Variants in PHF19 observed in about 807,000 individuals in gnomAD.
The protein encoded by PHF19 is PHD finger protein 19, also known as polycomb like 3.
In PHF19, 21 loss-of-function variants were observed where a neutral mutation model predicts 79.8. That is an observed-to-expected ratio of 0.26 (90% CI 0.19 to 0.38). The LOEUF (loss-of-function observed/expected upper bound fraction) is 0.38. Ranked by LOEUF, PHF19 falls within the 10% of genes least tolerant of loss-of-function variation. The pLI, the probability that PHF19 is intolerant of heterozygous loss-of-function variation, is 1.00. For missense variants in PHF19, 445 were observed against 744.2 expected (o/e 0.60, Z 4.68); for synonymous variants, 273 against 296.3 (o/e 0.92, Z 0.81).
intron 1 of PHF19, among the ~76,000 whole-genome samples, chr9:120,886,789 A>G (rs1377810052): frequency 1.3e-5 from 2 of 152,194 alleles, no homozygotes; most frequent in Non-Finnish European, 2.9e-5. Context: ...TCCAACATCA[A>G]TCTAGGTGTC....
At chr9:120,861,032 GC>G (rs1470295855) in intron 13 of PHF19, 56 bp downstream of exon 13, 1 of 1,008,054 alleles carries the variant, frequency 9.9e-7, no homozygotes, top group African/African-American at 1.6e-5. Context: ...TTGGCTTTCT[GC>G]TTGGTTCCCT....
chr9:120,899,698 T>A (rs2046425054), upstream of PHF19, among the ~76,000 whole-genome samples: 1 of 152,174 alleles, frequency 6.6e-6, no homozygotes, highest in Admixed American at 6.5e-5. Context: ...GCTGTTTGTC[T>A]CACTGGGGCT....
At chr9:120,899,273 T>C (rs186653878), upstream of PHF19, among the ~76,000 whole-genome samples, 50 of 150,346 alleles carry the variant, frequency 3.3e-4, no homozygotes, top group African/African-American at 1.1e-3. Flanking sequence ...CTGAGGCAAG[T>C]GGATCATGAG....
upstream of PHF19, among the ~76,000 whole-genome samples, chr9:120,878,890 G>C (rs1930777): frequency 6.6e-6 from 1 of 152,176 alleles, no homozygotes; most frequent in Admixed American, 6.5e-5. Flanking sequence ...TGTGTCCAAC[G>C]CGGGTAGGGC....
chr9:120,864,464 C>T (rs548077587), intron 9 of PHF19, among the ~76,000 whole-genome samples: 1 of 152,068 alleles, frequency 6.6e-6, no homozygotes, highest in East Asian at 1.9e-4. Flanking sequence ...GGCATTGTTT[C>T]TAATGGTGGA....
chr9:120,887,195 C>G (rs1237446319), intron 1 of PHF19, among the ~76,000 whole-genome samples: 1 of 152,128 alleles, frequency 6.6e-6, no homozygotes, highest in East Asian at 1.9e-4. Context: ...TGGCTCACAT[C>G]TATAATCCCA....
rs117272032 is a variant in PHF19 at position 120,886,739 on chromosome 9, A to G, written c.42+8049T>C. On this transcript the variant is annotated intron_variant, in intron 1 of 14. Transcript: ENST00000616568. ...TGACCCCTCTGTGATGGTCAATTTT[A>G]TATGTCCACATGACTAAGCTATCAT... 4.9e-4 allele frequency among the ~76,000 whole-genome samples: 74 copies of G among 152,306 alleles called. No homozygotes were observed. The East Asian group carries it at 6.4e-3, about 13-fold the overall frequency.
At chr9:120,897,056 G>A (rs1378655449), upstream of PHF19, among the ~76,000 whole-genome samples, 2 of 152,254 alleles carry the variant, frequency 1.3e-5, no homozygotes, top group Non-Finnish European at 2.9e-5. Context: ...CTCCTAGCTT[G>A]TAGAGACCTC....
intron 6 of PHF19, chr9:120,868,870 A>G (rs1332891387): frequency 1.9e-6 from 2 of 1,045,900 alleles, no homozygotes; most frequent in South Asian, 7.9e-5. Flanking sequence ...GCCTCGCCCC[A>G]AGGTCTAACC....
chr9:120,868,637 G>T, intron 6 of PHF19: 1 of 209,416 alleles, frequency 4.8e-6, no homozygotes, highest in Non-Finnish European at 8.4e-6. Flanking sequence ...GCCACGCGGA[G>T]CCGGCCTTCT....
chr9:120,872,622 C>G (rs2045935871), intron 3 of PHF19, among the ~76,000 whole-genome samples: 1 of 152,036 alleles, frequency 6.6e-6, no homozygotes, highest in Admixed American at 6.6e-5. Flanking sequence ...GTTCTGCAGC[C>G]TCTTCTTGGC....
rs1163197045 is a variant in PHF19 at position 120,869,223 on chromosome 9, G to A, written c.573C>T (p.Thr191=). Residue 191 remains threonine (T), a synonymous_variant, in exon 6 of 15, where the codon ACC becomes ACT. Coordinates refer to ENST00000373896, the MANE Select transcript of PHF19 (RefSeq NM_015651.3). This position sits in a 1 kb window ranked among gnomAD's most constrained non-coding sequence, Gnocchi z 5.8. ...AGTAGCAGTAGCATTGCTGCTGGTTGGTGCGATGGGGCGAGTCCCACTCGA... is the reference window on the plus strand; with the variant it reads ...AGTAGCAGTAGCATTGCTGCTGGTTAGTGCGATGGGGCGAGTCCCACTCGA... ...EELEWDSPHR[T]NQQQCYCYCG... is the part of the protein sequence containing the mutation. The A allele has an allele frequency of 6.2e-7, 1 of 1,612,002 alleles. No homozygotes were observed. The highest frequency in any genetic ancestry group is 1.1e-5 in the South Asian group (1 of 90,606).
In PHF19 at chr9:120,862,612, C is replaced by A. The variant is rs150134029; in HGVS notation, c.1106G>T (p.Arg369Leu). ...PNENSASSEL[R>L]KRGKSKPGLL... ...CCCAGGCTTGCTCTTTCCTCTCTTA[C>A]GCAGCTCAGAGGAGGCGCTGTTCTC... is the stretch of plus-strand genomic sequence containing the variant. The change falls in exon 11 of 15, where the codon CGT (arginine) becomes CTT (leucine). Residue 369 changes from arginine (R) to leucine (L), a missense_variant. This residue lies in a region of PHF19 where 83 missense variants were observed against 85.5 expected (regional missense o/e 0.97). Transcript: ENST00000373896. This position sits in a 1 kb window ranked among gnomAD's most constrained non-coding sequence, Gnocchi z 4.6. 4 of 1,613,796 alleles carry A rather than the reference C, an allele frequency of 2.5e-6. No homozygotes were observed. The African/African-American group carries it at 5.3e-5, about 22-fold the overall frequency.
rs1028544725 is a variant in PHF19, at chr9:120,856,960, T to C, written c.*984A>G. On this transcript the variant is annotated 3_prime_UTR_variant, in exon 15 of 15. Coordinates refer to ENST00000373896, the MANE Select transcript of PHF19 (RefSeq NM_015651.3). ...CTCTGTGTGTGTACACTTGGGCATG[T>C]GGTGGTGTGGCCGTGTGGGGTTGTC... 1.3e-5 allele frequency: 2 copies of C among 152,760 alleles called. No homozygotes were observed. The highest frequency in any genetic ancestry group is 4.8e-5 in the African/African-American group (2 of 41,394). The allele number at this position is 152,760 out of a possible 1,614,324, so 9.5% of individuals were successfully genotyped here. A position where few individuals can be genotyped will look rare whatever the true frequency, so the allele number is the denominator to read the frequency against.
rs373606245 is a variant in PHF19, at chr9:120,874,775, G to C, written c.-15-19C>G. 4 of 1,561,316 alleles carry C rather than the reference G, an allele frequency of 2.6e-6. No individual in the cohort carries two copies. Among genetic ancestry groups the C allele is most frequent in the Non-Finnish European group, 3.5e-6 (4 of 1,137,628 alleles). ...CCTGACACTGGGAGAGAAAGAACAG[G>C]GTTTTTGCTTCTTGCTTCCCTGCTT... is the stretch of plus-strand genomic sequence containing the variant. On this transcript the variant is annotated intron_variant, in intron 1 of 14. Coordinates refer to ENST00000373896, the MANE Select transcript of PHF19 (RefSeq NM_015651.3). This position sits in a 1 kb window ranked among gnomAD's most constrained non-coding sequence, Gnocchi z 4.5.
chr9:120,878,361 A>C (rs1190763890), upstream of PHF19, among the ~76,000 whole-genome samples: 1 of 152,014 alleles, frequency 6.6e-6, no homozygotes, highest in Non-Finnish European at 1.5e-5. Flanking sequence ...ACCCAGACTC[A>C]CTCTTGGGGG....
chr9:120,870,353 C>A lies in PHF19; in HGVS notation c.364+90G>T. 1.3e-6 allele frequency: 1 copy of A among 798,150 alleles called. No homozygotes were observed. The highest frequency in any genetic ancestry group is 2.2e-6 in the Non-Finnish European group (1 of 465,062). 49.4% of individuals were successfully genotyped at this position (798,150 alleles called of 1,614,324 possible). ...AAGAGAAACAGGAAGCCAGCTGAGG[C>A]CCCAACAGGCTGCAGCAGTACCCGT... On this transcript the variant is annotated intron_variant, in intron 4 of 14. Transcript: ENST00000373896. This position sits in a 1 kb window ranked among gnomAD's most constrained non-coding sequence, Gnocchi z 4.4.
At chr9:120,896,151 T>C (rs2046399249), upstream of PHF19, among the ~76,000 whole-genome samples, 1 of 152,098 alleles carries the variant, frequency 6.6e-6, no homozygotes, top group South Asian at 2.1e-4. Flanking sequence ...TGTTGTGAGG[T>C]TTTAAGGGGA....
upstream of PHF19, among the ~76,000 whole-genome samples, chr9:120,878,805 T>A (rs547517037): frequency 1.4e-4 from 22 of 152,320 alleles, no homozygotes; most frequent in Admixed American, 1.0e-3. Flanking sequence ...AATCTCCCAA[T>A]CCTGGAGAGC....
Sources: gnomAD v4.1 joint callset for allele counts (sites outside exome capture counted in the v4.1 genomes callset) on GRCh38, gnomAD v4.1.1 for gene constraint, gnomAD v4.1.1 regional missense constraint, Gnocchi (gnomAD v3.1) non-coding constraint, MANE v1.5 for transcripts, NCBI Gene and HGNC (gene_info 2026-07-23, HGNC 2026-07-21) for gene names.